SGCZ: variants seen among roughly 807,000 people sequenced by gnomAD.
SGCZ encodes the protein sarcoglycan zeta.
SGCZ carries 40 observed loss-of-function variants against 41.3 expected under a neutral mutation model. That is an observed-to-expected ratio of 0.97 (90% CI 0.75 to 1.26). The LOEUF (loss-of-function observed/expected upper bound fraction) is 1.26. Ranked by LOEUF, SGCZ falls within the 50% of genes most tolerant of loss-of-function variation. The pLI, the probability that SGCZ is intolerant of heterozygous loss-of-function variation, is 0.00. For missense variants in SGCZ, 552 were observed against 369.8 expected, an observed-to-expected ratio of 1.49 and a Z score of -4.04; for synonymous variants, 206 against 137.5, an observed-to-expected ratio of 1.50 and a Z score of -3.49.
chr8:14,856,163 T>A (rs186424412), intron 1 of SGCZ, among the ~76,000 whole-genome samples: 2 of 152,306 alleles, frequency 1.3e-5, no homozygotes. Flanking sequence ...TTTAATACAC[T>A]TTTTGTGGTG....
intron 3 of SGCZ, among the ~76,000 whole-genome samples, chr8:14,308,284 A>C (rs1801412289): frequency 6.6e-6 from 1 of 152,156 alleles, no homozygotes; most frequent in African/African-American, 2.4e-5. Flanking sequence ...AGGTGAAGTC[A>C]TGACAATAAG....
At chr8:14,107,245 A>T (rs1802234991) in intron 6 of SGCZ, among the ~76,000 whole-genome samples, 1 of 151,952 alleles carries the variant, frequency 6.6e-6, no homozygotes, top group South Asian at 2.1e-4. Context: ...TAAATAAAAA[A>T]AAAAAACATC....
At chr8:14,230,831 T>C (rs1030493230) in intron 4 of SGCZ, among the ~76,000 whole-genome samples, 23 of 151,876 alleles carry the variant, frequency 1.5e-4, no homozygotes, top group Admixed American at 1.4e-3. Flanking sequence ...ATGTTTTGTG[T>C]TTGATATGGT....
At chr8:14,851,382 A>AAAG (rs894416402) in intron 1 of SGCZ, among the ~76,000 whole-genome samples, 3 of 143,706 alleles carry the variant, frequency 2.1e-5, no homozygotes, top group Non-Finnish European at 4.6e-5. Flanking sequence ...AAAAAAAAAA[A>AAAG]AAAAAAAAGA....
intron 1 of SGCZ, among the ~76,000 whole-genome samples, chr8:14,695,839 A>T (rs2117583226): frequency 6.6e-6 from 1 of 151,544 alleles, no homozygotes; most frequent in South Asian, 2.1e-4. Flanking sequence ...AACATATAAT[A>T]AAACAAGACA....
intron 2 of SGCZ, among the ~76,000 whole-genome samples, chr8:14,382,629 G>C (rs1431453321): frequency 6.6e-6 from 1 of 152,124 alleles, no homozygotes; most frequent in Non-Finnish European, 1.5e-5. Context: ...TTGAGATTGA[G>C]GGTTAAAGAA....
intron 1 of SGCZ, among the ~76,000 whole-genome samples, chr8:14,918,778 T>C (rs1377710421): frequency 1.3e-5 from 2 of 152,222 alleles, no homozygotes; most frequent in Non-Finnish European, 2.9e-5. Flanking sequence ...CTTCAGAGAA[T>C]CAGCCTTCCT....
At chr8:14,446,256 T>C (rs1429207976) in intron 2 of SGCZ, among the ~76,000 whole-genome samples, 1 of 152,224 alleles carries the variant, frequency 6.6e-6, no homozygotes. Flanking sequence ...TGACCTGCTG[T>C]GACTCTAACA....
intron 3 of SGCZ, among the ~76,000 whole-genome samples, chr8:14,271,774 G>A (rs1800068186): frequency 6.6e-6 from 1 of 152,126 alleles, no homozygotes; most frequent in Non-Finnish European, 1.5e-5. Context: ...TCCAAGTGAA[G>A]ATCCTGATTC....
At chr8:14,482,885 A>G (rs963386254) in intron 2 of SGCZ, among the ~76,000 whole-genome samples, 31 of 151,950 alleles carry the variant, frequency 2.0e-4, no homozygotes, top group African/African-American at 7.5e-4. Context: ...AATTAACACC[A>G]CTGGCTCCCC....
chr8:14,634,825 A>G (rs1009031317), intron 1 of SGCZ, among the ~76,000 whole-genome samples: 3 of 151,934 alleles, frequency 2.0e-5, no homozygotes, highest in Admixed American at 6.6e-5. Context: ...GAAAGGAATT[A>G]AATGCTGAAA....
chr8:14,903,743 T>C (rs371163474), intron 1 of SGCZ, among the ~76,000 whole-genome samples: 1 of 152,006 alleles, frequency 6.6e-6, no homozygotes, highest in Admixed American at 6.6e-5. Context: ...ACAGTCAGAG[T>C]ACATTATATA....
At chr8:14,501,889 G>C (rs184590582) in intron 2 of SGCZ, among the ~76,000 whole-genome samples, 1 of 151,614 alleles carries the variant, frequency 6.6e-6, no homozygotes, top group East Asian at 1.9e-4. Flanking sequence ...CTTTTTATTG[G>C]TAAATGTATA....
chr8:14,978,880 C>T (rs1801574979), intron 1 of SGCZ, among the ~76,000 whole-genome samples: 1 of 152,160 alleles, frequency 6.6e-6, no homozygotes, highest in Non-Finnish European at 1.5e-5. Context: ...CTCACTGCAA[C>T]CTCTGCCTCC....
chr8:14,698,966 A>G (rs1462676293), intron 1 of SGCZ, among the ~76,000 whole-genome samples: 1 of 151,922 alleles, frequency 6.6e-6, no homozygotes, highest in Non-Finnish European at 1.5e-5. Context: ...TAAGTATATA[A>G]GATACGAAAT....
chr8:14,341,636 T>C (rs1435438646), intron 2 of SGCZ, among the ~76,000 whole-genome samples: 1 of 152,156 alleles, frequency 6.6e-6, no homozygotes, highest in African/African-American at 2.4e-5. Context: ...TCAACTTGAA[T>C]TGTATCTCCC....
At chr8:15,098,722 G>T (rs987600981) in intron 1 of SGCZ, among the ~76,000 whole-genome samples, 2 of 151,988 alleles carry the variant, frequency 1.3e-5, no homozygotes, top group Non-Finnish European at 2.9e-5. Flanking sequence ...TATAAATTGT[G>T]GTACTCAATA....
chr8:14,938,852 C>T (rs1015229982), intron 1 of SGCZ, among the ~76,000 whole-genome samples: 1 of 151,886 alleles, frequency 6.6e-6, no homozygotes, highest in African/African-American at 2.4e-5. Flanking sequence ...ATTACAGATG[C>T]AACCTCCCAT....
intron 2 of SGCZ, among the ~76,000 whole-genome samples, chr8:14,358,571 A>C (rs1388401367): frequency 6.6e-5 from 10 of 152,200 alleles, no homozygotes; most frequent in Non-Finnish European, 1.3e-4. Context: ...ATAAATATTA[A>C]CTTAGGAAAA....
Sources: allele counts gnomAD v4.1 joint callset (sites outside exome capture counted in the v4.1 genomes callset), GRCh38; gene constraint gnomAD v4.1.1; transcripts MANE v1.5; gene names NCBI Gene and HGNC (gene_info 2026-07-23, HGNC 2026-07-21).